PLCG1: variants seen among roughly 807,000 people sequenced by gnomAD.
PLCG1 encodes phospholipase C gamma 1.
A neutral mutation model predicts 177.8 loss-of-function variants in PLCG1; 71 were observed. That is an observed-to-expected ratio of 0.40 (90% CI 0.33 to 0.49). The LOEUF (loss-of-function observed/expected upper bound fraction) is 0.49. Among genes scored for constraint, PLCG1 ranks in the 20% least tolerant of loss-of-function variants. PLCG1 has a pLI of 0.72. For synonymous variants in PLCG1, 658 were observed against 647.9 expected (o/e 1.02, Z -0.24); for missense variants, 1,281 against 1,709.0 (o/e 0.75, Z 4.42).
Position 41,166,154 on chromosome 20 carries a change from C to T in PLCG1, c.1800-40C>T, listed in dbSNP as rs202041550. 3 of 1,572,198 alleles carry T rather than the reference C, an allele frequency of 1.9e-6. No individual in the cohort carries two copies. Among genetic ancestry groups the T allele is most frequent in the Non-Finnish European group, 8.7e-7 (1 of 1,149,264 alleles). ...TGGAACTTGGTCTTTGGGGCCCTGG[C>T]CTGTTTTCCCCAGCCTCCCTCACTC... is the stretch of plus-strand genomic sequence containing the variant. On this transcript the variant is annotated intron_variant, in intron 16 of 31. Coordinates refer to ENST00000685551, the MANE Select transcript of PLCG1 (RefSeq NM_002660.3). This position sits in a 1 kb window ranked among gnomAD's most constrained non-coding sequence, Gnocchi z 8.6.
Position 41,173,363 on chromosome 20 carries a change from T to C in PLCG1, c.3280-57T>C. The C allele has an allele frequency of 6.8e-7, 1 of 1,476,288 alleles. No homozygotes were observed. The highest frequency in any genetic ancestry group is 9.0e-7 in the Non-Finnish European group (1 of 1,106,516). 91.4% of individuals were successfully genotyped at this position (1,476,288 alleles called of 1,614,324 possible). The stretch of plus-strand genomic sequence containing the variant: ...ACAGATGCTGACTGAGCCTCCGCAG[T>C]GGGGAATTGGAGGGAGCAGGAAGGA... On this transcript the variant is annotated intron_variant, in intron 27 of 31. Transcript: ENST00000685551. The surrounding 1 kb of genome is among the most constrained non-coding windows in gnomAD (Gnocchi z 6.2).
intron 20 of PLCG1, among the ~76,000 whole-genome samples, 165 bp downstream of exon 20, chr20:41,168,094 G>T (rs2035763817): frequency 6.6e-6 from 1 of 152,078 alleles, no homozygotes. Context: ...AGCGACCGCA[G>T]GTCTCCCAGG....
Position 41,170,269 on chromosome 20 carries a change from G to C in PLCG1, c.2808G>C (p.Arg936Ser). 6.2e-7 allele frequency: 1 copy of C among 1,614,104 alleles called. No individual in the cohort carries two copies. Among genetic ancestry groups the C allele is most frequent in the Non-Finnish European group, 8.5e-7 (1 of 1,179,988 alleles). ...IREVAQTADA[R>S]LTEGKIMERR... ...AAGTGGCCCAGACAGCAGACGCCAG[G>C]GTGAGATTCTGCTGGAACCTTCTGG... Residue 936 changes from arginine (R) to serine (S), a missense_variant and splice_region_variant, in exon 24 of 32, where the codon AGG (arginine) becomes AGC (serine). By Grantham distance (110) the Arg-to-Ser change is moderately radical. Around this residue, in one of 4 missense-constraint regions of PLCG1, gnomAD observed 723 missense variants for 1,030.0 expected, o/e 0.70. Transcript: ENST00000685551.
At chr20:41,161,586 G>C (rs1030214604) in intron 4 of PLCG1, among the ~76,000 whole-genome samples, 6 of 152,190 alleles carry the variant, frequency 3.9e-5, no homozygotes, top group Non-Finnish European at 8.8e-5. Context: ...AGGATCAGAG[G>C]AGGGGGCGCC....
intron 1 of PLCG1, among the ~76,000 whole-genome samples, chr20:41,155,953 A>G (rs2035308447): frequency 6.6e-6 from 1 of 152,164 alleles, no homozygotes; most frequent in South Asian, 2.1e-4. Context: ...TAAGCTGGGA[A>G]GGGGATGGTC....
rs1019171623 is a variant in PLCG1 at position 41,174,613 on chromosome 20, C to T, written c.*104C>T. 2.6e-5 allele frequency: 25 copies of T among 964,492 alleles called. No individual in the cohort carries two copies. The highest frequency in any genetic ancestry group is 2.1e-4 in the Middle Eastern group (1 of 4,828). 59.7% of individuals were successfully genotyped at this position (964,492 alleles called of 1,614,324 possible). On this transcript the variant is annotated 3_prime_UTR_variant, in exon 32 of 32. Transcript: ENST00000685551. The surrounding 1 kb of genome is among the most constrained non-coding windows in gnomAD (Gnocchi z 5.8). ...CCCCCTGTGGCGGCCTTCCGGGTCT[C>T]GCAGCCTGAAGCCTGGATTCCAGCA... is the stretch of plus-strand genomic sequence containing the variant.
intron 1 of PLCG1, among the ~76,000 whole-genome samples, chr20:41,149,187 T>G (rs2035088767): frequency 6.6e-6 from 1 of 152,222 alleles, no homozygotes; most frequent in African/African-American, 2.4e-5. Flanking sequence ...TCTCAGCTTC[T>G]TATAGTATTT....
At chr20:41,162,890 T>C in intron 6 of PLCG1, 68 bp from the exon 7 acceptor site, 3 of 1,498,490 alleles carry the variant, frequency 2.0e-6, no homozygotes, top group Non-Finnish European at 2.8e-6. Context: ...CTAGCCTGCC[T>C]TCTTACTAGC....
chr20:41,170,379 TATGC>T (rs765405806), intron 24 of PLCG1, 110 bp downstream of exon 24: 1 of 1,127,642 alleles, frequency 8.9e-7, no homozygotes, highest in Non-Finnish European at 1.3e-6. Flanking sequence ...GCCGATGGCC[TATGC>T]TAGATAGGCC....
At position 41,146,426 on chromosome 20, in the gene PLCG1, C is replaced by T. The variant is rs115360035; in HGVS notation, c.217+8568C>T. Among the ~76,000 whole-genome samples the T allele has an allele frequency of 7.0e-3, 1,068 of 152,330 alleles. 13 individuals are homozygous for T. The highest frequency in any genetic ancestry group is 0.024 in the African/African-American group (1,010 of 41,564). On this transcript the variant is annotated intron_variant, in intron 1 of 31. Coordinates refer to ENST00000685551, the MANE Select transcript of PLCG1 (RefSeq NM_002660.3). This position sits in a 1 kb window ranked among gnomAD's most constrained non-coding sequence, Gnocchi z 6.3. ...GTCCCTCCACCTGCCAGCTGGCACA[C>T]AGGTGTTGGGTAAAGCATCTGTACA...
At chr20:41,169,246 A>G in intron 22 of PLCG1, 71 bp downstream of exon 22, 1 of 1,193,264 alleles carries the variant, frequency 8.4e-7, no homozygotes, top group Non-Finnish European at 1.2e-6. Context: ...CCCATCACAC[A>G]GTCCCAAGCA....
chr20:41,161,089 G>C (rs34715644), intron 4 of PLCG1, among the ~76,000 whole-genome samples: 2,793 of 152,194 alleles, frequency 0.018, 78 homozygotes, highest in African/African-American at 0.063. Flanking sequence ...GGCTGGGTGA[G>C]ATCACCTAGG....
chr20:41,170,163 T>C lies in PLCG1; in HGVS notation c.2702T>C (p.Met901Thr), dbSNP rs756808262. The C allele has an allele frequency of 2.7e-5, 44 of 1,613,964 alleles. No individual in the cohort carries two copies. The highest frequency in any genetic ancestry group is 3.6e-5 in the Non-Finnish European group (42 of 1,179,964). ...NNRLFVFSIS[M>T]ASVAHWSLDV... ...CGGCTCTTCGTCTTCTCCATCAGCA[T>C]GGCGTCGGTGGCCCACTGGTCCCTG... Residue 901 changes from methionine (M) to threonine (T), a missense_variant, in exon 24 of 32, where the codon ATG becomes ACG. By Grantham distance (81) the Met-to-Thr change is moderately conservative. Around this residue, in one of 4 missense-constraint regions of PLCG1, gnomAD observed 723 missense variants for 1,030.0 expected, o/e 0.70. Coordinates refer to ENST00000685551, the MANE Select transcript of PLCG1 (RefSeq NM_002660.3).
rs2035623364 is a variant in PLCG1 at position 41,164,707 on chromosome 20, G to C, written c.1218-226G>C. Among the ~76,000 whole-genome samples the C allele has an allele frequency of 2.0e-5, 3 of 152,086 alleles. No homozygotes were observed. In the South Asian group the frequency reaches 6.2e-4, roughly 32 times the overall value. On this transcript the variant is annotated intron_variant, in intron 12 of 31. Coordinates refer to ENST00000685551, the MANE Select transcript of PLCG1 (RefSeq NM_002660.3). This position sits in a 1 kb window ranked among gnomAD's most constrained non-coding sequence, Gnocchi z 6.4. The stretch of plus-strand genomic sequence containing the variant: ...CACTGCTGAGCAGCCTCCATAATTG[G>C]GCCAGCTCGGGACTGCATCAGTTGC...
Position 41,173,343 on chromosome 20 carries a change from TG to T in PLCG1, c.3280-76del. ...GGGCGCGCTGCCTCCACTCCACAGA[TG>T]CTGACTGAGCCTCCGCAGTGGGGAA... On this transcript the variant is annotated intron_variant, in intron 27 of 31. Transcript: ENST00000685551. The surrounding 1 kb of genome is among the most constrained non-coding windows in gnomAD (Gnocchi z 6.2). The T allele has an allele frequency of 7.0e-7, 1 of 1,436,672 alleles. No individual in the cohort carries two copies. The highest frequency in any genetic ancestry group is 9.3e-7 in the Non-Finnish European group (1 of 1,077,978). The allele number at this position is 1,436,672 out of a possible 1,614,324, so 89.0% of individuals were successfully genotyped here. A position where few individuals can be genotyped will look rare whatever the true frequency, so the allele number is the denominator to read the frequency against.
chr20:41,166,792 C>A lies in PLCG1; in HGVS notation c.2234C>A (p.Pro745Gln). 6.2e-7 allele frequency: 1 copy of A among 1,614,102 alleles called. No individual in the cohort carries two copies. Among genetic ancestry groups the A allele is most frequent in the Non-Finnish European group, 8.5e-7 (1 of 1,180,014 alleles). The change falls in exon 19 of 32, where the codon CCG becomes CAG. Residue 745 changes from proline to glutamine, a missense_variant. By Grantham distance (76) the Pro-to-Gln change is moderately conservative (BLOSUM62 -1). Coordinates refer to ENST00000685551, the MANE Select transcript of PLCG1 (RefSeq NM_002660.3). The surrounding 1 kb of genome is among the most constrained non-coding windows in gnomAD (Gnocchi z 8.6). ...VDLISYYEKH[P>Q]LYRKMKLRYP... ...CTCATCAGCTACTATGAGAAACACC[C>A]GCTATACCGCAAGATGAAGCTGCGC...
At position 41,166,220 on chromosome 20, in the gene PLCG1, G is replaced by A. The variant is rs747210988; in HGVS notation, c.1826G>A (p.Arg609His). Residue 609 changes from arginine to histidine, a missense_variant, in exon 17 of 32, where the codon CGT becomes CAT. Physicochemically the swap from Arg to His is conservative, Grantham distance 29 (BLOSUM62 0). Transcript: ENST00000685551. This position sits in a 1 kb window ranked among gnomAD's most constrained non-coding sequence, Gnocchi z 8.6. ...FWRNGKVQHC[R>H]IHSRQDAGTP... is the part of the protein sequence containing the mutation. ...CGGAACGGGAAAGTCCAGCACTGCCGTATCCACTCCCGGCAAGATGCTGGG... is the reference window on the plus strand; with the variant it reads ...CGGAACGGGAAAGTCCAGCACTGCCATATCCACTCCCGGCAAGATGCTGGG... The A allele has an allele frequency of 6.2e-7, 1 of 1,613,752 alleles. No individual in the cohort carries two copies. The highest frequency in any genetic ancestry group is 8.5e-7 in the Non-Finnish European group (1 of 1,179,992).
rs887128622 is a variant in PLCG1, at chr20:41,165,170, G to A, written c.1386+69G>A. On this transcript the variant is annotated intron_variant, in intron 13 of 31. Transcript: ENST00000685551. The surrounding 1 kb of genome is among the most constrained non-coding windows in gnomAD (Gnocchi z 6.6). ...CCTTGCCCAGGCCATGGCTTCAGCT[G>A]TTGGGCCTAAACCTGGGTGAGGAGG... 5.6e-6 allele frequency: 9 copies of A among 1,604,118 alleles called. No individual in the cohort carries two copies. The African/African-American group carries it at 9.4e-5, about 17-fold the overall frequency.
At chr20:41,170,083 C>T (rs2035843301) in intron 23 of PLCG1, 29 bp from the exon 24 acceptor site, 1 of 1,584,818 alleles carries the variant, frequency 6.3e-7, no homozygotes, top group Non-Finnish European at 8.6e-7. Flanking sequence ...ATGTCTATTC[C>T]CAGCTGTTAT....
Sources: gnomAD v4.1 joint callset for allele counts (sites outside exome capture counted in the v4.1 genomes callset) on GRCh38, gnomAD v4.1.1 for gene constraint, gnomAD v4.1.1 regional missense constraint, Gnocchi (gnomAD v3.1) non-coding constraint, MANE v1.5 for transcripts, NCBI Gene and HGNC (gene_info 2026-07-23, HGNC 2026-07-21) for gene names.